The following ACAD11 variants were observed in gnomAD, a reference collection of about 807,000 sequenced individuals.
The protein encoded by ACAD11 is acyl-Coenzyme A dehydrogenase family, member 11.
In ACAD11, 83 loss-of-function variants were observed where a neutral mutation model predicts 102.2. The ratio of observed to expected loss-of-function variants is 0.81; its 90% CI spans 0.68 to 0.97. The LOEUF is 0.97. Among genes scored for constraint, ACAD11 ranks in the 50% least tolerant of loss-of-function variants. ACAD11 has a pLI of 0.00. For synonymous variants in ACAD11, 324 were observed against 319.8 expected, an observed-to-expected ratio of 1.01 and a Z score of -0.14; for missense variants, 901 against 951.7, an observed-to-expected ratio of 0.95 and a Z score of 0.70.
chr3:132,604,887 A>G, intron 12 of ACAD11: 1 of 425,408 alleles, frequency 2.4e-6, no homozygotes, highest in Non-Finnish European at 4.3e-6. Flanking sequence ...AGAGAACATC[A>G]TCTGATATTC....
intron 17 of ACAD11, among the ~76,000 whole-genome samples, chr3:132,570,846 C>G (rs73217999): frequency 3.3e-5 from 5 of 152,218 alleles, no homozygotes; most frequent in Non-Finnish European, 7.4e-5. Context: ...TCAACTTATT[C>G]TTTTTACGGC....
At chr3:132,593,748 G>T (rs930488496) in intron 13 of ACAD11, among the ~76,000 whole-genome samples, 1 of 152,136 alleles carries the variant, frequency 6.6e-6, no homozygotes, top group Non-Finnish European at 1.5e-5. Flanking sequence ...CAAGAGGAGG[G>T]ATGAGAAGAG....
chr3:132,594,747 A>G (rs985093610), intron 13 of ACAD11, among the ~76,000 whole-genome samples: 1 of 152,214 alleles, frequency 6.6e-6, no homozygotes, highest in Admixed American at 6.5e-5. Flanking sequence ...AGAGTGCTCT[A>G]GACAGGAATA....
chr3:132,610,893 T>C (rs1167554499), intron 11 of ACAD11, among the ~76,000 whole-genome samples: 2 of 152,136 alleles, frequency 1.3e-5, no homozygotes, highest in Non-Finnish European at 1.5e-5. Context: ...ATCATCCTGA[T>C]ACCAAAGCCT....
In ACAD11 at chr3:132,565,651, T is replaced by C. The variant is rs928842539; in HGVS notation, c.2002-4434A>G. On this transcript the variant is annotated intron_variant, in intron 17 of 19. Transcript: ENST00000264990. Reference sequence around the variant, plus strand: ...GGATGCTTGTCTCCTCCAAATCGCATATTGAAACATGAAGGTGGAACCTAG... The same window carrying C: ...GGATGCTTGTCTCCTCCAAATCGCACATTGAAACATGAAGGTGGAACCTAG... Among the ~76,000 whole-genome samples, 3 of 152,206 alleles carry C rather than the reference T, an allele frequency of 2.0e-5. No homozygotes were observed. The East Asian group carries it at 5.8e-4, about 29-fold the overall frequency.
intron 13 of ACAD11, among the ~76,000 whole-genome samples, chr3:132,595,249 G>T (rs1392556140): frequency 6.6e-6 from 1 of 152,162 alleles, no homozygotes; most frequent in Non-Finnish European, 1.5e-5. Flanking sequence ...AGAAGAGCCA[G>T]CACAAAAGCC....
intron 1 of ACAD11, among the ~76,000 whole-genome samples, chr3:132,654,280 CT>C (rs1239880539): frequency 6.6e-6 from 1 of 152,116 alleles, no homozygotes; most frequent in Non-Finnish European, 1.5e-5. Context: ...TGTAAACATC[CT>C]AGAGTGCACT....
chr3:132,631,303 A>C, intron 6 of ACAD11, 38 bp downstream of exon 6: 1 of 1,262,140 alleles, frequency 7.9e-7, no homozygotes, highest in Non-Finnish European at 1.0e-6. Context: ...AGACAGTTTT[A>C]TATTAATAGC....
intron 9 of ACAD11, among the ~76,000 whole-genome samples, chr3:132,624,379 C>T (rs920019316): frequency 1.3e-4 from 20 of 150,490 alleles, no homozygotes; most frequent in African/African-American, 3.7e-4. Context: ...GGCTGAGGTG[C>T]GCGGATCACG....
At chr3:132,603,363 A>G in intron 12 of ACAD11, 36 bp from the exon 13 acceptor site, 1 of 1,548,312 alleles carries the variant, frequency 6.5e-7, no homozygotes, top group Non-Finnish European at 8.9e-7. Flanking sequence ...ACAGGCAGGC[A>G]GATATCATCA....
At chr3:132,625,626 C>T (rs955678594) in intron 9 of ACAD11, among the ~76,000 whole-genome samples, 2 of 152,050 alleles carry the variant, frequency 1.3e-5, no homozygotes, top group African/African-American at 2.4e-5. Context: ...AAATTATACC[C>T]TATTCTGTGA....
intron 5 of ACAD11, among the ~76,000 whole-genome samples, chr3:132,635,172 G>T (rs1473600862): frequency 6.6e-6 from 1 of 152,076 alleles, no homozygotes; most frequent in Non-Finnish European, 1.5e-5. Context: ...AATGGCTGTG[G>T]TTACTTTAAG....
chr3:132,588,542 A>C (rs183690689), intron 13 of ACAD11, among the ~76,000 whole-genome samples: 5 of 152,336 alleles, frequency 3.3e-5, no homozygotes, highest in Admixed American at 6.5e-5. Flanking sequence ...AATAAAACCA[A>C]GAGCTTAAAA....
chr3:132,603,367 A>G (rs771941362), intron 12 of ACAD11, 40 bp from the exon 13 acceptor site: 124 of 1,547,148 alleles, frequency 8.0e-5, no homozygotes, highest in Non-Finnish European at 1.2e-5. Context: ...GCAGGCAGAT[A>G]TCATCAGTAG....
chr3:132,607,536 T>C (rs944700510), intron 11 of ACAD11, among the ~76,000 whole-genome samples: 4 of 151,826 alleles, frequency 2.6e-5, no homozygotes, highest in African/African-American at 9.7e-5. Context: ...AGACTGAAGA[T>C]CAACTTAATG....
At position 132,619,452 on chromosome 3, in the gene ACAD11, T is replaced by C. The variant is rs1318386309; in HGVS notation, c.1275+16A>G. ...ACACTTGCATATGAATTTTCTAGCG[T>C]TAAAGATTTTCTTACCTTGAGTTTA... On this transcript the variant is annotated intron_variant, in intron 10 of 19. Transcript: ENST00000264990. 1.3e-6 allele frequency: 2 copies of C among 1,551,184 alleles called. No homozygotes were observed. The highest frequency in any genetic ancestry group is 2.1e-5 in the Admixed American group (1 of 48,564).
intron 12 of ACAD11, 25 bp from the exon 13 acceptor site, chr3:132,603,352 T>C (rs1172468762): frequency 1.9e-6 from 3 of 1,594,274 alleles, no homozygotes; most frequent in Non-Finnish European, 2.6e-6. Context: ...AAGCTGAATT[T>C]ACAGGCAGGC....
At chr3:132,641,259 G>A (rs1002928113) in intron 4 of ACAD11, among the ~76,000 whole-genome samples, 2 of 152,088 alleles carry the variant, frequency 1.3e-5, no homozygotes, top group South Asian at 2.1e-4. Context: ...AGAAAAAACT[G>A]TAAGCCGGGC....
At chr3:132,657,985 C>T (rs561136282) in intron 1 of ACAD11, among the ~76,000 whole-genome samples, 3 of 151,754 alleles carry the variant, frequency 2.0e-5, no homozygotes, top group Admixed American at 6.6e-5. Context: ...CCTCAGCATC[C>T]CAAGTAGCTG....
Sources: gnomAD v4.1 joint callset for allele counts (sites outside exome capture counted in the v4.1 genomes callset) on GRCh38, gnomAD v4.1.1 for gene constraint, MANE v1.5 for transcripts, NCBI Gene and HGNC (gene_info 2026-07-23, HGNC 2026-07-21) for gene names.